The following NUP93 variants were observed in gnomAD, a reference collection of about 807,000 sequenced individuals.
NUP93 encodes nuclear pore complex protein Nup93.
In NUP93, 55 loss-of-function variants were observed where a neutral mutation model predicts 107.8. The observed-to-expected ratio is 0.51, with a 90% CI of 0.41 to 0.64. The LOEUF (loss-of-function observed/expected upper bound fraction) is 0.64, where lower values mean the gene tolerates loss of function less well. Among genes scored for constraint, NUP93 ranks in the 30% least tolerant of loss-of-function variants. NUP93 has a pLI of 0.00. For missense variants in NUP93, 937 were observed against 1,044.7 expected, an observed-to-expected ratio of 0.90 and a Z score of 1.42; for synonymous variants, 390 against 397.5, an observed-to-expected ratio of 0.98 and a Z score of 0.22.
chr16:56,757,304 A>G lies in NUP93; in HGVS notation c.180-1234A>G, dbSNP rs112043788. 3.1e-3 allele frequency among the ~76,000 whole-genome samples: 470 copies of G among 152,346 alleles called. 3 individuals carry two copies. Among genetic ancestry groups the G allele is most frequent in the African/African-American group, 0.011 (445 of 41,572 alleles). ...CAGTGAGAGTTTTTGGTACTAATTT[A>G]TAATCCAAGAACAGTCTACAAATTA... On this transcript the variant is annotated intron_variant, in intron 2 of 21. Transcript: ENST00000308159.
chr16:56,763,019 G>GGT (rs1346971571), intron 3 of NUP93, among the ~76,000 whole-genome samples: 2 of 152,142 alleles, frequency 1.3e-5, no homozygotes, highest in Non-Finnish European at 2.9e-5. Flanking sequence ...TTCCAAGTAA[G>GGT]GTCATATTTA....
chr16:56,832,028 C>T (rs1359799590), intron 11 of NUP93, 21 bp downstream of exon 11: 2 of 1,613,172 alleles, frequency 1.2e-6, no homozygotes, highest in South Asian at 1.1e-5. Flanking sequence ...TTTCCCCTGC[C>T]CACATAGGGC....
chr16:56,805,678 G>A (rs757990542), intron 5 of NUP93, 46 bp downstream of exon 5: 1 of 1,577,206 alleles, frequency 6.3e-7, no homozygotes, highest in East Asian at 2.3e-5. Flanking sequence ...AAAACATGAA[G>A]TCAAAGAATA....
rs375106577 is a variant in NUP93 at position 56,777,362 on chromosome 16, C to CT, written c.297+18708dup. 2.6e-3 allele frequency among the ~76,000 whole-genome samples: 389 copies of CT among 152,294 alleles called. 2 individuals are homozygous for CT. The highest frequency in any genetic ancestry group is 8.7e-3 in the African/African-American group (363 of 41,568). On this transcript the variant is annotated intron_variant, in intron 3 of 21. Transcript: ENST00000308159. Reference sequence around the variant, plus strand: ...TCATATCAAAGTCAGAACCACCACTCTGGGGCAGCAGGAACTTATTAGCTG... The same window carrying CT: ...TCATATCAAAGTCAGAACCACCACTCTTGGGGCAGCAGGAACTTATTAGCTG...
At chr16:56,778,471 A>G (rs539610961) in intron 3 of NUP93, among the ~76,000 whole-genome samples, 1 of 152,320 alleles carries the variant, frequency 6.6e-6, no homozygotes, top group East Asian at 1.9e-4. Flanking sequence ...TGGTTTGGCC[A>G]GTGGAAGGAT....
At chr16:56,740,515 G>A (rs1172604790) in intron 1 of NUP93, among the ~76,000 whole-genome samples, 3 of 148,794 alleles carry the variant, frequency 2.0e-5, no homozygotes, top group African/African-American at 7.3e-5. Flanking sequence ...GATGGCGGCC[G>A]GGCGGAGACG....
At chr16:56,834,606 C>A (rs1963872868) in intron 15 of NUP93, 128 bp from the exon 16 acceptor site, 1 of 1,117,042 alleles carries the variant, frequency 9.0e-7, no homozygotes, top group Non-Finnish European at 1.3e-6. Flanking sequence ...TTCAGTCACA[C>A]TGATTTTTAG....
At chr16:56,765,782 A>G (rs915717737) in intron 3 of NUP93, among the ~76,000 whole-genome samples, 2 of 152,322 alleles carry the variant, frequency 1.3e-5, no homozygotes, top group Non-Finnish European at 2.9e-5. Flanking sequence ...AAAAAAAAAT[A>G]TAATGTCTTC....
intron 3 of NUP93, among the ~76,000 whole-genome samples, chr16:56,768,536 C>A (rs1962256600): frequency 6.7e-6 from 1 of 150,202 alleles, no homozygotes; most frequent in Non-Finnish European, 1.5e-5. Context: ...GCACTCCAGC[C>A]TGGGTGACAA....
intron 2 of NUP93, among the ~76,000 whole-genome samples, chr16:56,756,717 C>G (rs1409006918): frequency 2.0e-5 from 3 of 152,178 alleles, no homozygotes; most frequent in African/African-American, 7.2e-5. Context: ...GGAATTGCTA[C>G]ACTGTCTTCC....
At position 56,841,652 on chromosome 16, in the gene NUP93, T is replaced by C; in HGVS notation, c.2221-53T>C. ...CAGCCCACCCTCCCTCCATCTGTGG[T>C]TGGCCCCAAAGGCTTGGTTCTTTTT... On this transcript the variant is annotated intron_variant, in intron 20 of 21. Transcript: ENST00000308159. 3.1e-6 allele frequency: 5 copies of C among 1,599,878 alleles called. No homozygotes were observed. The South Asian group carries it at 5.6e-5, about 18-fold the overall frequency.
At position 56,776,108 on chromosome 16, in the gene NUP93, G is replaced by A. The variant is rs955331833; in HGVS notation, c.297+17453G>A. Among the ~76,000 whole-genome samples, 3 of 151,202 alleles carry A rather than the reference G, an allele frequency of 2.0e-5. No homozygotes were observed. The East Asian group carries it at 5.8e-4, about 29-fold the overall frequency. On this transcript the variant is annotated intron_variant, in intron 3 of 21. Coordinates refer to ENST00000308159, the MANE Select transcript of NUP93 (RefSeq NM_014669.5). ...ATGCTATTTTCAATTTTATAATAGG[G>A]ATTGATGAAAAAATAGAATTTTGCG...
chr16:56,769,374 G>A (rs370494887), intron 3 of NUP93, among the ~76,000 whole-genome samples: 2 of 152,162 alleles, frequency 1.3e-5, no homozygotes, highest in African/African-American at 4.8e-5. Context: ...TTGAGGGAGA[G>A]GCTGGAGCGT....
intron 2 of NUP93, among the ~76,000 whole-genome samples, chr16:56,755,670 T>C (rs1962005446): frequency 6.6e-6 from 1 of 151,942 alleles, no homozygotes; most frequent in African/African-American, 2.4e-5. Flanking sequence ...GAGCCTGGAG[T>C]TCAACCCCAG....
intron 3 of NUP93, among the ~76,000 whole-genome samples, chr16:56,765,190 T>C (rs555382589): frequency 1.3e-5 from 2 of 152,338 alleles, no homozygotes; most frequent in African/African-American, 4.8e-5. Context: ...GGAATAAGAC[T>C]TTGCTGTCTA....
chr16:56,796,868 A>G (rs1406554232), intron 3 of NUP93, among the ~76,000 whole-genome samples: 2 of 152,122 alleles, frequency 1.3e-5, no homozygotes, highest in Non-Finnish European at 2.9e-5. Context: ...CCCAGTTAGG[A>G]GGCTGAGGCA....
At chr16:56,826,032 C>T (rs1320017626) in intron 8 of NUP93, among the ~76,000 whole-genome samples, 1 of 152,176 alleles carries the variant, frequency 6.6e-6, no homozygotes, top group Non-Finnish European at 1.5e-5. Context: ...TCTGTCTCTT[C>T]CCTGCCACAT....
In NUP93 at chr16:56,845,088, C is replaced by A; in HGVS notation, c.*479C>A. 4.7e-6 allele frequency: 1 copy of A among 211,950 alleles called. No homozygotes were observed. The highest frequency in any genetic ancestry group is 9.5e-6 in the Non-Finnish European group (1 of 105,094). The allele number at this position is 211,950 out of a possible 1,614,324, so 13.1% of individuals were successfully genotyped here. A position where few individuals can be genotyped will look rare whatever the true frequency, so the allele number is the denominator to read the frequency against. ...TAAGATTTGTGTGTGAAATATCAAG[C>A]ACTCCATGTCCTCCTCTAGAGAGTG... On this transcript the variant is annotated 3_prime_UTR_variant, in exon 22 of 22. Transcript: ENST00000308159.
chr16:56,841,721 C>T lies in NUP93; in HGVS notation c.2237C>T (p.Ser746Leu), dbSNP rs751390416. The change falls in exon 21 of 22, where the codon TCA (serine) becomes TTA (leucine). Residue 746 changes from serine (S) to leucine (L), a missense_variant. Ser to Leu is a moderately radical substitution (Grantham distance 145). Coordinates refer to ENST00000308159, the MANE Select transcript of NUP93 (RefSeq NM_014669.5). ...NFSDEIRHNL[S>L]EVLLATMNIL... ...TCTATGTAGATCAGGCACAACCTCT[C>T]AGAAGTGCTTCTTGCCACCATGAAC... 5 of 1,614,080 alleles carry T rather than the reference C, an allele frequency of 3.1e-6. 1 individual carries two copies. The Admixed American group carries it at 6.7e-5, about 22-fold the overall frequency.
Sources: allele counts gnomAD v4.1 joint callset (sites outside exome capture counted in the v4.1 genomes callset), GRCh38; gene constraint gnomAD v4.1.1; transcripts MANE v1.5; gene names NCBI Gene and HGNC (gene_info 2026-07-23, HGNC 2026-07-21).